NAA25: variants seen among roughly 807,000 people sequenced by gnomAD.
NAA25 encodes N-alpha-acetyltransferase 25, NatB auxiliary subunit.
NAA25 carries 30 observed loss-of-function variants against 132.5 expected under a neutral mutation model. The ratio of observed to expected loss-of-function variants is 0.23; its 90% confidence interval spans 0.17 to 0.31. The LOEUF (loss-of-function observed/expected upper bound fraction) is 0.31. NAA25 is among the 10% of genes least tolerant of loss of function. The probability of loss-of-function intolerance (pLI) is 1.00; values close to 1 mark genes in which losing one functional copy is unlikely to be tolerated. For synonymous variants in NAA25, 359 were observed against 401.9 expected, an observed-to-expected ratio of 0.89 and a Z score of 1.28; for missense variants, 771 against 1,150.4, an observed-to-expected ratio of 0.67 and a Z score of 4.77.
At chr12:112,038,681 T>A (rs1293757204) in intron 22 of NAA25, among the ~76,000 whole-genome samples, 1 of 152,090 alleles carries the variant, frequency 6.6e-6, no homozygotes, top group Non-Finnish European at 1.5e-5. Context: ...GGGCCACACA[T>A]AAAATACACT....
intron 1 of NAA25, among the ~76,000 whole-genome samples, chr12:112,108,091 G>A (rs938512423): frequency 6.6e-6 from 1 of 151,824 alleles, no homozygotes; most frequent in Non-Finnish European, 1.5e-5. Flanking sequence ...CGCTATTTTA[G>A]GCCCAAGACC....
intron 13 of NAA25, among the ~76,000 whole-genome samples, chr12:112,055,325 C>T (rs369580799): frequency 6.6e-6 from 1 of 152,048 alleles, no homozygotes; most frequent in Non-Finnish European, 1.5e-5. Flanking sequence ...AACACACACA[C>T]AGAAAATTCA....
At chr12:112,046,767 G>A (rs955757820) in intron 17 of NAA25, among the ~76,000 whole-genome samples, 5 of 152,078 alleles carry the variant, frequency 3.3e-5, no homozygotes, top group Non-Finnish European at 5.9e-5. Context: ...AATCTTTATT[G>A]CTGTAAGATG....
intron 1 of NAA25, among the ~76,000 whole-genome samples, chr12:112,106,619 T>C (rs2136953188): frequency 6.6e-6 from 1 of 152,180 alleles, no homozygotes; most frequent in African/African-American, 2.4e-5. Context: ...GGCAAATCAG[T>C]GTCTTCAGCT....
At chr12:112,073,627 G>T (rs2136891323) in intron 9 of NAA25, among the ~76,000 whole-genome samples, 1 of 152,132 alleles carries the variant, frequency 6.6e-6, no homozygotes, top group African/African-American at 2.4e-5. Flanking sequence ...TAGTAGAGAT[G>T]GGGTTTCACC....
At chr12:112,043,048 T>C (rs2078325070) in intron 19 of NAA25, 40 bp downstream of exon 19, 1 of 1,539,670 alleles carries the variant, frequency 6.5e-7, no homozygotes. Context: ...TACTACATTT[T>C]CTATGACAAA....
chr12:112,102,773 G>A lies in NAA25; in HGVS notation c.58+5943C>T, dbSNP rs60204334. ...GCGATCTCGGCTCACTGCAACCTCCGCCTCCTGGGTTCACGCGATTCTCTT... is the reference window on the plus strand; with the variant it reads ...GCGATCTCGGCTCACTGCAACCTCCACCTCCTGGGTTCACGCGATTCTCTT... On this transcript the variant is annotated intron_variant, in intron 1 of 23. Transcript: ENST00000261745. Among the ~76,000 whole-genome samples the A allele has an allele frequency of 0.06, 8,286 of 139,050 alleles. 1,265 individuals carry two copies. In the East Asian group the frequency reaches 0.63, roughly 11 times the overall value. The allele number at this position is 139,050 out of a possible 152,430, so 91.2% of individuals were successfully genotyped here.
At chr12:112,047,248 G>A (rs1399673276) in intron 17 of NAA25, among the ~76,000 whole-genome samples, 1 of 43,142 alleles carries the variant, frequency 2.3e-5, no homozygotes, top group Non-Finnish European at 4.4e-5. Context: ...TTTTTTTTTT[G>A]GAGATGGAGT....
chr12:112,068,078 G>A (rs915836603), intron 11 of NAA25, among the ~76,000 whole-genome samples: 4 of 151,824 alleles, frequency 2.6e-5, no homozygotes, highest in Admixed American at 1.3e-4. Context: ...TCACTCTGTC[G>A]CTCAGGCTGG....
chr12:112,103,589 C>T (rs1312597700), intron 1 of NAA25, among the ~76,000 whole-genome samples: 1 of 152,080 alleles, frequency 6.6e-6, no homozygotes, highest in Non-Finnish European at 1.5e-5. Context: ...ACCAAGGTAC[C>T]CTGTCACTTC....
intron 11 of NAA25, among the ~76,000 whole-genome samples, chr12:112,067,071 A>G (rs1305851122): frequency 6.6e-6 from 1 of 152,080 alleles, no homozygotes; most frequent in African/African-American, 2.4e-5. Flanking sequence ...GCATAGTAGC[A>G]CACCAGTAAT....
chr12:112,093,133 T>C lies in NAA25; in HGVS notation c.62A>G (p.Tyr21Cys). Residue 21 changes from tyrosine (Y) to cysteine (C), a missense_variant, in exon 2 of 24, where the codon TAT (tyrosine) becomes TGT (cysteine). This residue lies in a region of NAA25 where 417 missense variants were observed against 733.8 expected (regional missense o/e 0.57). Transcript: ENST00000261745. ...NDRRLRPIYDYLDNGNNKMAI... is the reference protein window; with the variant it reads ...NDRRLRPIYDCLDNGNNKMAI... ...CATTTTATTATTACCATTGTCAAGA[T>C]AATCTATGAAAAAACAAATTATGTG... is the stretch of plus-strand genomic sequence containing the variant. 6.3e-7 allele frequency: 1 copy of C among 1,593,514 alleles called. No individual in the cohort carries two copies. The highest frequency in any genetic ancestry group is 8.6e-7 in the Non-Finnish European group (1 of 1,163,944).
chr12:112,044,392 T>C (rs990649432), intron 17 of NAA25, among the ~76,000 whole-genome samples: 3 of 151,834 alleles, frequency 2.0e-5, no homozygotes, highest in African/African-American at 7.3e-5. Flanking sequence ...CATTTTTGGC[T>C]GGGCACGGTG....
intron 20 of NAA25, 31 bp from the exon 21 acceptor site, chr12:112,040,609 A>G: frequency 8.0e-7 from 1 of 1,253,616 alleles, no homozygotes; most frequent in Non-Finnish European, 1.1e-6. Context: ...AGTTTTATTC[A>G]GCTTTTGTTT....
In NAA25 at chr12:112,054,533, G is replaced by A. The variant is rs1304140178; in HGVS notation, c.1483C>T (p.Leu495=). 6.2e-7 allele frequency: 1 copy of A among 1,613,918 alleles called. No individual in the cohort carries two copies. Among genetic ancestry groups the A allele is most frequent in the Non-Finnish European group, 8.5e-7 (1 of 1,179,966 alleles). The change falls in exon 14 of 24, where the codon CTG becomes TTG. Residue 495 remains leucine, a synonymous_variant. Transcript: ENST00000261745. Reference sequence around the variant, plus strand: ...GGGCTATGGGTTAATCCCTCTTCCAGCAAAGTCAGGGCCTGCCACACAGTG... The same window carrying A: ...GGGCTATGGGTTAATCCCTCTTCCAACAAAGTCAGGGCCTGCCACACAGTG... ...ETTVWQALTL[L]EEGLTHSPSN... is the part of the protein sequence containing the mutation.
At chr12:112,108,597 G>T (rs2079401532) in intron 1 of NAA25, 119 bp downstream of exon 1, 2 of 1,104,524 alleles carry the variant, frequency 1.8e-6, no homozygotes, top group Non-Finnish European at 1.1e-6. Flanking sequence ...CGCGCGGCCC[G>T]CCCCCCTGCG....
chr12:112,106,355 T>C (rs2079361257), intron 1 of NAA25, among the ~76,000 whole-genome samples: 1 of 151,736 alleles, frequency 6.6e-6, no homozygotes, highest in Admixed American at 6.6e-5. Flanking sequence ...ATTTTAAAAA[T>C]CAAATTATTC....
At chr12:112,062,498 G>A (rs2078648701) in intron 11 of NAA25, among the ~76,000 whole-genome samples, 1 of 152,148 alleles carries the variant, frequency 6.6e-6, no homozygotes. Context: ...GCCAAGGCGG[G>A]TGGATTGCCT....
chr12:112,069,819 C>CAA (rs550921585), intron 10 of NAA25, among the ~76,000 whole-genome samples: 1 of 121,846 alleles, frequency 8.2e-6, no homozygotes, highest in African/African-American at 3.1e-5. Flanking sequence ...GACTCCATCT[C>CAA]AAAAAAAAAA....
Sources: allele counts gnomAD v4.1 joint callset (sites outside exome capture counted in the v4.1 genomes callset), GRCh38; gene constraint gnomAD v4.1.1; regional missense constraint gnomAD v4.1.1; transcripts MANE v1.5; gene names NCBI Gene and HGNC (gene_info 2026-07-23, HGNC 2026-07-21).